The following MYLK variants were observed in gnomAD, a reference collection of about 807,000 sequenced individuals.
MYLK encodes the protein myosin light chain kinase, also known as myosin light chain kinase, smooth muscle.
A neutral mutation model predicts 203.4 loss-of-function variants in MYLK; 106 were observed. That is an observed-to-expected ratio of 0.52 (90% CI 0.45 to 0.61). MYLK has a LOEUF of 0.61. Ranked by LOEUF, MYLK falls within the 20% of genes least tolerant of loss-of-function variation. The pLI is 0.00. For missense variants in MYLK, 2,072 were observed against 2,442.3 expected (o/e 0.85, Z 3.20); for synonymous variants, 867 against 959.5 (o/e 0.90, Z 1.78).
intron 30 of MYLK, among the ~76,000 whole-genome samples, chr3:123,628,517 G>C (rs1468040824): frequency 6.6e-6 from 1 of 152,114 alleles, no homozygotes; most frequent in East Asian, 1.9e-4. Flanking sequence ...AAGCTCCTCG[G>C]CACCCCTACA....
At chr3:123,707,626 A>G in intron 16 of MYLK, 128 bp downstream of exon 16, 1 of 1,435,934 alleles carries the variant, frequency 7.0e-7, no homozygotes, top group East Asian at 2.3e-5. Flanking sequence ...CTGAGCCCGC[A>G]CTTGCTTTAC....
chr3:123,767,439 T>C (rs1017292035), intron 4 of MYLK, among the ~76,000 whole-genome samples: 1 of 152,154 alleles, frequency 6.6e-6, no homozygotes, highest in Non-Finnish European at 1.5e-5. Flanking sequence ...AAACCCCGCC[T>C]GTACTAAAAA....
At chr3:123,670,652 G>A (rs2059885814) in intron 20 of MYLK, among the ~76,000 whole-genome samples, 1 of 152,062 alleles carries the variant, frequency 6.6e-6, no homozygotes, top group African/African-American at 2.4e-5. Flanking sequence ...TTACTTGGGA[G>A]GGATTGCTTG....
At chr3:123,617,205 A>C (rs2057549899) in intron 33 of MYLK, 1 of 152,358 alleles carries the variant, frequency 6.6e-6, no homozygotes, top group East Asian at 1.9e-4. Flanking sequence ...AGTTACATAA[A>C]TATCAATGAA....
intron 2 of MYLK, among the ~76,000 whole-genome samples, chr3:123,854,727 G>A (rs925158479): frequency 2.0e-5 from 3 of 152,190 alleles, no homozygotes; most frequent in South Asian, 2.1e-4. Context: ...TAATTTGCAC[G>A]TGTACCCACT....
At chr3:123,754,056 C>A (rs2063289309) in intron 4 of MYLK, among the ~76,000 whole-genome samples, 1 of 152,208 alleles carries the variant, frequency 6.6e-6, no homozygotes, top group Admixed American at 6.5e-5. Flanking sequence ...CAAATACAGT[C>A]TCTTCCCTAA....
chr3:123,765,553 A>T (rs2063677567), intron 4 of MYLK, among the ~76,000 whole-genome samples: 1 of 152,082 alleles, frequency 6.6e-6, no homozygotes, highest in African/African-American at 2.4e-5. Flanking sequence ...AGAAAGGAAA[A>T]AAAACAAAAG....
intron 3 of MYLK, among the ~76,000 whole-genome samples, chr3:123,826,076 G>C (rs2066109249): frequency 6.6e-6 from 1 of 151,912 alleles, no homozygotes; most frequent in African/African-American, 2.4e-5. Context: ...CCCCAAAAAA[G>C]GGCCTGAGAA....
chr3:123,789,274 C>G (rs561173613), intron 4 of MYLK, among the ~76,000 whole-genome samples: 1 of 152,108 alleles, frequency 6.6e-6, no homozygotes, highest in Non-Finnish European at 1.5e-5. Flanking sequence ...ACACAGAGCG[C>G]GCGTCTGAAT....
intron 4 of MYLK, among the ~76,000 whole-genome samples, chr3:123,761,225 CTCTGACAATT>C (rs1319016666): frequency 6.6e-6 from 1 of 152,214 alleles, no homozygotes; most frequent in Non-Finnish European, 1.5e-5. Flanking sequence ...CTGTCTTATT[CTCTGACAATT>C]TCTGTTTAAA....
Position 123,677,918 on chromosome 3 carries a change from T to TATATATATAC in MYLK, c.3652+4305_3652+4306insGTATATATAT, listed in dbSNP as rs1273803739. Among the ~76,000 whole-genome samples, 510 of 78,488 alleles carry TATATATATAC rather than the reference T, an allele frequency of 6.5e-3. 10 individuals are homozygous for TATATATATAC. Among genetic ancestry groups the TATATATATAC allele is most frequent in the East Asian group, 0.058 (34 of 582 alleles). 51.5% of individuals were successfully genotyped at this position (78,488 alleles called of 152,430 possible). ...ATATATATATATATATATATATATA[T>TATATATATAC]ACACACACACACACACAGAGTACAT... On this transcript the variant is annotated intron_variant, in intron 20 of 33. Coordinates refer to ENST00000360304, the MANE Select transcript of MYLK (RefSeq NM_053025.4).
At chr3:123,840,498 A>T (rs555418948) in intron 2 of MYLK, among the ~76,000 whole-genome samples, 1 of 151,646 alleles carries the variant, frequency 6.6e-6, no homozygotes, top group South Asian at 2.1e-4. Context: ...AAATTCACTG[A>T]AAGACACAAA....
Position 123,739,074 on chromosome 3 carries a change from T to A in MYLK, c.423-12A>T. The A allele has an allele frequency of 6.2e-7, 1 of 1,613,526 alleles. No homozygotes were observed. The highest frequency in any genetic ancestry group is 1.1e-5 in the South Asian group (1 of 90,844). ...CTGAAAATCTATCCCTGTAAGGAAA[T>A]TGGCAGAGAATCCAGTCCCAGACAA... On this transcript the variant is annotated splice_polypyrimidine_tract_variant and intron_variant, in intron 6 of 33. Transcript: ENST00000360304.
At chr3:123,670,717 G>A (rs371094483) in intron 20 of MYLK, among the ~76,000 whole-genome samples, 1 of 152,250 alleles carries the variant, frequency 6.6e-6, no homozygotes, top group African/African-American at 2.4e-5. Context: ...ACTCCAGCCT[G>A]GGTGACAGAG....
intron 27 of MYLK, among the ~76,000 whole-genome samples, chr3:123,641,557 GGAA>G (rs1404976882): frequency 6.6e-6 from 1 of 151,562 alleles, no homozygotes; most frequent in Non-Finnish European, 1.5e-5. Flanking sequence ...AGAAAGGAAA[GGAA>G]GGAGGAGGGG....
At chr3:123,626,086 T>C (rs1258885112) in intron 31 of MYLK, among the ~76,000 whole-genome samples, 1 of 152,174 alleles carries the variant, frequency 6.6e-6, no homozygotes, top group Non-Finnish European at 1.5e-5. Flanking sequence ...ATAATAATAG[T>C]ACCTGCCTCC....
intron 4 of MYLK, among the ~76,000 whole-genome samples, chr3:123,759,802 T>A (rs1048336876): frequency 1.1e-4 from 17 of 152,190 alleles, no homozygotes; most frequent in African/African-American, 4.1e-4. Context: ...CAAGCCCCAT[T>A]ATCTATTTTC....
At chr3:123,744,849 A>G (rs1056612540) in intron 5 of MYLK, among the ~76,000 whole-genome samples, 5 of 152,196 alleles carry the variant, frequency 3.3e-5, no homozygotes, top group Non-Finnish European at 5.9e-5. Flanking sequence ...ATAAAACTCA[A>G]TAAGATGCCT....
chr3:123,648,954 C>T lies in MYLK; in HGVS notation c.4415+17G>A. ...CCTCACCCTGGGAGCCCAGAGGCAA[C>T]TTCCCACTCCACTTACGATCCTAAT... On this transcript the variant is annotated intron_variant, in intron 26 of 33. Transcript: ENST00000360304. The surrounding 1 kb of genome is among the most constrained non-coding windows in gnomAD (Gnocchi z 4.5). 3 of 1,612,658 alleles carry T rather than the reference C, an allele frequency of 1.9e-6. No homozygotes were observed. Among genetic ancestry groups the T allele is most frequent in the Non-Finnish European group, 2.5e-6 (3 of 1,178,750 alleles).
Sources: gnomAD v4.1 joint callset for allele counts (sites outside exome capture counted in the v4.1 genomes callset) on GRCh38, gnomAD v4.1.1 for gene constraint, Gnocchi (gnomAD v3.1) non-coding constraint, MANE v1.5 for transcripts, NCBI Gene and HGNC (gene_info 2026-07-23, HGNC 2026-07-21) for gene names.